The following PLOD3 variants were observed in gnomAD, a reference collection of about 807,000 sequenced individuals.
PLOD3 encodes the protein procollagen-lysine,2-oxoglutarate 5-dioxygenase 3.
In PLOD3, 73 loss-of-function variants were observed where a neutral mutation model predicts 96.9. The ratio of observed to expected loss-of-function variants is 0.75; its 90% CI spans 0.62 to 0.92. PLOD3 has a LOEUF of 0.92. Among genes scored for constraint, PLOD3 ranks in the 40% least tolerant of loss-of-function variants. The probability of loss-of-function intolerance (pLI) is 0.00; values close to 1 mark genes in which losing one functional copy is unlikely to be tolerated. For missense variants in PLOD3, 1,004 were observed against 1,004.3 expected, an observed-to-expected ratio of 1.00 and a Z score of 0.00; for synonymous variants, 454 against 413.7, an observed-to-expected ratio of 1.10 and a Z score of -1.18.
In PLOD3 at chr7:101,206,124, G is replaced by A. The variant is rs1170422085; in HGVS notation, c.*157C>T. On this transcript the variant is annotated 3_prime_UTR_variant, in exon 19 of 19. Transcript: ENST00000223127. ...ACTCCGGGAGCTTCCTGAGAGGGCC[G>A]TGTCTTGGGAGCAAGGTGACATATT... is the stretch of plus-strand genomic sequence containing the variant. 2.4e-5 allele frequency: 20 copies of A among 842,062 alleles called. No individual in the cohort carries two copies. The highest frequency in any genetic ancestry group is 2.0e-4 in the East Asian group (8 of 41,002). 52.2% of individuals were successfully genotyped at this position (842,062 alleles called of 1,614,324 possible).
At chr7:101,212,456 G>C (rs1798198909) in intron 9 of PLOD3, 74 bp downstream of exon 9, 1 of 1,568,856 alleles carries the variant, frequency 6.4e-7, no homozygotes, top group African/African-American at 1.4e-5. Flanking sequence ...AAGGAGATGG[G>C]GGTGGGGGCA....
intron 5 of PLOD3, among the ~76,000 whole-genome samples, chr7:101,215,479 C>A (rs1798254734): frequency 1.3e-5 from 2 of 152,166 alleles, no homozygotes; most frequent in African/African-American, 4.8e-5. Flanking sequence ...TCCCAAAGTG[C>A]TGGGATTATA....
chr7:101,215,870 A>C, intron 5 of PLOD3, 38 bp downstream of exon 5: 14 of 1,405,336 alleles, frequency 1.0e-5, no homozygotes, highest in Non-Finnish European at 1.4e-5. Context: ...CCACTCCCAC[A>C]GAGCTGCGGG....
chr7:101,206,404 A>C lies in PLOD3; in HGVS notation c.2094T>G (p.Cys698Trp). 6.2e-7 allele frequency: 1 copy of C among 1,613,262 alleles called. No homozygotes were observed. The highest frequency in any genetic ancestry group is 8.5e-7 in the Non-Finnish European group (1 of 1,179,682). ...GGGCRFLRYD[C>W]VISSPRKGWA... ...AGCCCTTCCTCGGGGAGGAGATCAC[A>C]CAGTCGTAGCGCAGGAAGCGGCAGC... The change falls in exon 19 of 19, where the codon TGT (cysteine) becomes TGG (tryptophan). Residue 698 changes from cysteine (C) to tryptophan (W), a missense_variant. By Grantham distance (215) the Cys-to-Trp change is radical. Transcript: ENST00000223127.
rs1798275141 is a variant in PLOD3, at chr7:101,216,412, A to G, written c.336T>C (p.Asp112=). 1 of 1,614,028 alleles carries G rather than the reference A, an allele frequency of 6.2e-7. No homozygotes were observed. The highest frequency in any genetic ancestry group is 1.3e-5 in the African/African-American group (1 of 74,986). ...CTCCCTATCCCCAGCCCCGTTACCT[A>G]TCCACAAACATGATGATCATATCCT... ...DREDMIIMFV[D]SYDVILAGSP... The change falls in exon 3 of 19, where the codon GAT becomes GAC. Residue 112 remains aspartate, a splice_region_variant and synonymous_variant. Transcript: ENST00000223127.
chr7:101,212,696 A>G (rs780154042), intron 8 of PLOD3, 41 bp from the exon 9 acceptor site: 2 of 1,611,366 alleles, frequency 1.2e-6, no homozygotes, highest in African/African-American at 1.3e-5. Flanking sequence ...AGAAGCCCGG[A>G]CTTCCCTGCT....
At position 101,206,855 on chromosome 7, in the gene PLOD3, G is replaced by A. The variant is rs138165832; in HGVS notation, c.1985C>T (p.Pro662Leu). Reference protein sequence around the residue: ...FVVRYRPDEQPSLRPHHDSST... With the variant: ...FVVRYRPDEQLSLRPHHDSST... ...TGAGTCGTGGTGTGGCCGCAGAGAC[G>A]GCTGCTCGTCTGGCCGGTAGCGAAC... is the stretch of plus-strand genomic sequence containing the variant. The change falls in exon 18 of 19, where the codon CCG becomes CTG. Residue 662 changes from proline (P) to leucine (L), a missense_variant. Transcript: ENST00000223127. 7 of 1,565,918 alleles carry A rather than the reference G, an allele frequency of 4.5e-6. No individual in the cohort carries two copies. Among genetic ancestry groups the A allele is most frequent in the African/African-American group, 1.3e-5 (1 of 74,086 alleles).
In PLOD3 at chr7:101,211,908, G is replaced by C; in HGVS notation, c.1170C>G (p.Ser390Arg). 1.9e-6 allele frequency: 3 copies of C among 1,611,612 alleles called. No individual in the cohort carries two copies. Among genetic ancestry groups the C allele is most frequent in the Non-Finnish European group, 2.5e-6 (3 of 1,179,176 alleles). Reference protein sequence around the residue: ...RQDPECEFYFSLDADAVLTNL... With the variant: ...RQDPECEFYFRLDADAVLTNL... ...TGGTGAGGACAGCGTCGGCGTCCAGGCTGAAGTAGAACTCACACTCGGGGT... is the reference window on the plus strand; with the variant it reads ...TGGTGAGGACAGCGTCGGCGTCCAGCCTGAAGTAGAACTCACACTCGGGGT... Residue 390 changes from serine (S) to arginine (R), a missense_variant, in exon 11 of 19, where the codon AGC (serine) becomes AGG (arginine). Coordinates refer to ENST00000223127, the MANE Select transcript of PLOD3 (RefSeq NM_001084.5).
At chr7:101,215,622 G>A (rs1327585190) in intron 5 of PLOD3, among the ~76,000 whole-genome samples, 1 of 152,112 alleles carries the variant, frequency 6.6e-6, no homozygotes, top group Non-Finnish European at 1.5e-5. Flanking sequence ...AGCCTCCCAA[G>A]TAGCTGGGAT....
rs779550831 is a variant in PLOD3, at chr7:101,206,234, C to T, written c.*47G>A. On this transcript the variant is annotated 3_prime_UTR_variant, in exon 19 of 19. Coordinates refer to ENST00000223127, the MANE Select transcript of PLOD3 (RefSeq NM_001084.5). ...AACTCCCAGGACGGGGGCCAGGCCC[C>T]CTAAAAAGGCACAATGGCAGGGCAG... 1.2e-6 allele frequency: 2 copies of T among 1,605,440 alleles called. No individual in the cohort carries two copies. The highest frequency in any genetic ancestry group is 1.7e-6 in the Non-Finnish European group (2 of 1,172,496).
At chr7:101,208,073 C>A (rs1424171825) in intron 16 of PLOD3, among the ~76,000 whole-genome samples, 1 of 152,196 alleles carries the variant, frequency 6.6e-6, no homozygotes, top group Non-Finnish European at 1.5e-5. Context: ...GCAGTGCAGT[C>A]TAGGACAGTG....
chr7:101,208,993 C>A (rs542473087), intron 15 of PLOD3, 36 bp from the exon 16 acceptor site: 57 of 1,421,168 alleles, frequency 4.0e-5, no homozygotes, highest in Admixed American at 8.4e-5. Context: ...GGCTAGCTGA[C>A]GCCGCAGAAC....
rs965765474 is a variant in PLOD3 at position 101,207,712 on chromosome 7, C to A, written c.1801G>T (p.Ala601Ser). 1 of 1,614,048 alleles carries A rather than the reference C, an allele frequency of 6.2e-7. No homozygotes were observed. The highest frequency in any genetic ancestry group is 8.5e-7 in the Non-Finnish European group (1 of 1,179,982). The change falls in exon 17 of 19, where the codon GCT (alanine) becomes TCT (serine). Residue 601 changes from alanine (A) to serine (S), a missense_variant. Transcript: ENST00000223127. ...SGGRHEDSRL[A>S]GGYENVPTVD... ...GTGGGCACATTCTCGTAGCCTCCAGCCAGCCTTGAATCCTGGGGGCGGCGG... is the reference window on the plus strand; with the variant it reads ...GTGGGCACATTCTCGTAGCCTCCAGACAGCCTTGAATCCTGGGGGCGGCGG...
rs1406673650 is a variant in PLOD3, at chr7:101,206,570, T to C, written c.2062-134A>G. On this transcript the variant is annotated intron_variant, in intron 18 of 18. Transcript: ENST00000223127. ...GGGGTGACAAGGGAGATGGCAGATA[T>C]GGCAGACACCGGAGGCTGGGGTGCC... The C allele has an allele frequency of 9.9e-6, 10 of 1,007,536 alleles. No individual in the cohort carries two copies. In the East Asian group the frequency reaches 1.3e-4, roughly 13 times the overall value. The allele number at this position is 1,007,536 out of a possible 1,614,324, so 62.4% of individuals were successfully genotyped here. A position where few individuals can be genotyped will look rare whatever the true frequency, so the allele number is the denominator to read the frequency against.
At chr7:101,216,670 C>T (rs1234246343) in intron 2 of PLOD3, 25 bp downstream of exon 2, 1 of 1,609,612 alleles carries the variant, frequency 6.2e-7, no homozygotes, top group Non-Finnish European at 8.5e-7. Context: ...GGGACCCCCT[C>T]CCAGGGGCCT....
At chr7:101,215,728 C>T (rs540252692) in intron 5 of PLOD3, among the ~76,000 whole-genome samples, 180 bp downstream of exon 5, 2 of 152,276 alleles carry the variant, frequency 1.3e-5, no homozygotes, top group East Asian at 3.9e-4. Flanking sequence ...TCTTAAATTC[C>T]TGGACTCAAG....
rs574264811 is a variant in PLOD3 at position 101,217,065 on chromosome 7, G to A, written c.109+101C>T. 5 of 1,257,894 alleles carry A rather than the reference G, an allele frequency of 4.0e-6. No individual in the cohort carries two copies. The East Asian group carries it at 1.3e-4, about 32-fold the overall frequency. 77.9% of individuals were successfully genotyped at this position (1,257,894 alleles called of 1,614,324 possible). On this transcript the variant is annotated intron_variant, in intron 1 of 18. Coordinates refer to ENST00000223127, the MANE Select transcript of PLOD3 (RefSeq NM_001084.5). ...CTCAAGAGCACGCTGGGCGGGGGAC[G>A]GGCCAGACACCTCCTCGAGCCTCCG...
Position 101,207,613 on chromosome 7 carries a change from T to C in PLOD3, c.1900A>G (p.Met634Val), listed in dbSNP as rs531587667. The change falls in exon 17 of 19, where the codon ATG (methionine) becomes GTG (valine). Residue 634 changes from methionine (M) to valine (V), a missense_variant. This residue lies in a region of PLOD3 where 222 missense variants were observed against 220.4 expected (regional missense o/e 1.01). Transcript: ENST00000223127. ...LQLLRTYVGP[M>V]TESLFPGYHT... ...TAACCGGGAAACAGGCTCTCGGTCA[T>C]GGGGCCCACATACGTCCGCAGCAGC... is the stretch of plus-strand genomic sequence containing the variant. 1.1e-4 allele frequency: 170 copies of C among 1,613,994 alleles called. 1 individual carries two copies. In the South Asian group the frequency reaches 1.8e-3, roughly 17 times the overall value.
chr7:101,209,552 GTTT>G (rs11295764), intron 15 of PLOD3, among the ~76,000 whole-genome samples: 1,578 of 110,284 alleles, frequency 0.014, 27 homozygotes, highest in East Asian at 0.098. Flanking sequence ...TAATTTTTGT[GTTT>G]TTTTTTTTTT....
Sources: gnomAD v4.1 joint callset for allele counts (sites outside exome capture counted in the v4.1 genomes callset) on GRCh38, gnomAD v4.1.1 for gene constraint, gnomAD v4.1.1 regional missense constraint, MANE v1.5 for transcripts, NCBI Gene and HGNC (gene_info 2026-07-23, HGNC 2026-07-21) for gene names.